RANBP17: variants seen among roughly 807,000 people sequenced by gnomAD.
The protein encoded by RANBP17 is RAN binding protein 17.
RANBP17 carries 158 observed loss-of-function variants against 141.2 expected under a neutral mutation model. That is an observed-to-expected ratio of 1.12 (90% CI 0.98 to 1.28). The LOEUF (loss-of-function observed/expected upper bound fraction) is 1.28, where lower values mean the gene tolerates loss of function less well. Among genes scored for constraint, RANBP17 ranks in the 50% most tolerant of loss-of-function variants. RANBP17 has a pLI of 0.00. For synonymous variants in RANBP17, 430 were observed against 450.0 expected (o/e 0.96, Z 0.56); for missense variants, 1,438 against 1,290.7 (o/e 1.11, Z -1.75).
At chr5:171,063,164 A>C (rs1328708180) in intron 14 of RANBP17, among the ~76,000 whole-genome samples, 1 of 152,206 alleles carries the variant, frequency 6.6e-6, no homozygotes, top group Non-Finnish European at 1.5e-5. Context: ...TCAACTCGTC[A>C]AACTCATTCT....
At chr5:170,865,074 G>A (rs1471490395) in intron 1 of RANBP17, among the ~76,000 whole-genome samples, 2 of 151,888 alleles carry the variant, frequency 1.3e-5, no homozygotes, top group Admixed American at 6.6e-5. Context: ...TGTTGTTGTC[G>A]TTTGTTTTTT....
intron 14 of RANBP17, among the ~76,000 whole-genome samples, chr5:171,022,053 T>A (rs189489462): frequency 2.0e-5 from 3 of 152,224 alleles, no homozygotes; most frequent in Admixed American, 6.5e-5. Context: ...TTGCTGGGGC[T>A]TCTGTAAGGT....
At chr5:170,866,105 A>T (rs1382030587) in intron 1 of RANBP17, among the ~76,000 whole-genome samples, 1 of 152,120 alleles carries the variant, frequency 6.6e-6, no homozygotes, top group Non-Finnish European at 1.5e-5. Context: ...TTGTGACCCA[A>T]AGTCCTGATC....
intron 14 of RANBP17, among the ~76,000 whole-genome samples, chr5:171,072,485 C>T (rs932034263): frequency 3.3e-5 from 5 of 150,910 alleles, no homozygotes; most frequent in African/African-American, 1.2e-4. Flanking sequence ...TGAATAGGTA[C>T]TTCTCCAAAG....
At chr5:170,920,973 G>T (rs1772402947) in intron 11 of RANBP17, among the ~76,000 whole-genome samples, 1 of 152,088 alleles carries the variant, frequency 6.6e-6, no homozygotes, top group Non-Finnish European at 1.5e-5. Flanking sequence ...TAAGTTCTTT[G>T]TAGATTCTGG....
chr5:171,101,919 G>A (rs1261062184), intron 14 of RANBP17, among the ~76,000 whole-genome samples: 2 of 152,098 alleles, frequency 1.3e-5, no homozygotes, highest in Non-Finnish European at 1.5e-5. Context: ...TTGAATGTTG[G>A]CCCCCACTCT....
At chr5:170,903,855 G>A (rs1007140988) in intron 5 of RANBP17, 7 of 462,056 alleles carry the variant, frequency 1.5e-5, no homozygotes, top group South Asian at 1.1e-4. Flanking sequence ...AACAAGCTCC[G>A]CAAGATTTGA....
chr5:170,862,155 C>T (rs1435787056), intron 1 of RANBP17, 104 bp downstream of exon 1: 4 of 1,215,642 alleles, frequency 3.3e-6, no homozygotes, highest in Admixed American at 8.3e-5. Context: ...GCCGCAGGGC[C>T]GTGGGCCGGT....
At chr5:171,294,483 T>C (rs1156351415) in intron 26 of RANBP17, among the ~76,000 whole-genome samples, 1 of 152,178 alleles carries the variant, frequency 6.6e-6, no homozygotes, top group Non-Finnish European at 1.5e-5. Flanking sequence ...CAGCTTCCTC[T>C]TGAACCCACA....
intron 14 of RANBP17, among the ~76,000 whole-genome samples, chr5:171,145,985 G>A (rs1478749521): frequency 2.0e-5 from 3 of 152,070 alleles, no homozygotes; most frequent in African/African-American, 7.2e-5. Context: ...CCTGTAATAG[G>A]CAATCTCAAA....
At chr5:170,954,198 T>C (rs921254867) in intron 13 of RANBP17, among the ~76,000 whole-genome samples, 10 of 152,220 alleles carry the variant, frequency 6.6e-5, no homozygotes, top group Non-Finnish European at 1.3e-4. Context: ...TATTTTAATT[T>C]ATTTTTAATA....
At chr5:171,034,687 AG>A (rs1245859952) in intron 14 of RANBP17, among the ~76,000 whole-genome samples, 1 of 152,276 alleles carries the variant, frequency 6.6e-6, no homozygotes, top group Non-Finnish European at 1.5e-5. Context: ...AAAAGCAGAA[AG>A]CCAGAAATAA....
chr5:170,957,821 G>C (rs923680478), intron 13 of RANBP17, among the ~76,000 whole-genome samples: 1 of 152,122 alleles, frequency 6.6e-6, no homozygotes, highest in Non-Finnish European at 1.5e-5. Context: ...TGAGTTCAGT[G>C]TTAACAAGTC....
At chr5:171,042,131 T>C (rs1052240228) in intron 14 of RANBP17, among the ~76,000 whole-genome samples, 2 of 152,108 alleles carry the variant, frequency 1.3e-5, no homozygotes, top group Non-Finnish European at 2.9e-5. Flanking sequence ...ATTTTCTTTA[T>C]CCAGTCTATC....
chr5:171,262,718 G>A (rs1766414059), intron 24 of RANBP17, among the ~76,000 whole-genome samples: 1 of 152,078 alleles, frequency 6.6e-6, no homozygotes, highest in African/African-American at 2.4e-5. Flanking sequence ...CCTTATTAGT[G>A]CTACAGAACA....
At chr5:171,260,984 TATTGA>T (rs1766275985) in intron 24 of RANBP17, among the ~76,000 whole-genome samples, 1 of 151,636 alleles carries the variant, frequency 6.6e-6, no homozygotes, top group Non-Finnish European at 1.5e-5. Flanking sequence ...TTGGACACAT[TATTGA>T]ATTGGATGTC....
chr5:171,161,350 C>G (rs758008981), intron 14 of RANBP17: 1 of 186,160 alleles, frequency 5.4e-6, no homozygotes, highest in Admixed American at 6.2e-5. Flanking sequence ...ATTGGGGAGG[C>G]CTTTTGCTCT....
intron 14 of RANBP17, among the ~76,000 whole-genome samples, chr5:171,049,848 A>C (rs1782841391): frequency 6.6e-6 from 1 of 152,192 alleles, no homozygotes; most frequent in South Asian, 2.1e-4. Flanking sequence ...TTGTACCAGT[A>C]CCATGCTGTT....
At chr5:171,156,764 G>A (rs1459220003) in intron 14 of RANBP17, among the ~76,000 whole-genome samples, 1 of 152,104 alleles carries the variant, frequency 6.6e-6, no homozygotes, top group African/African-American at 2.4e-5. Context: ...TGGCACACAA[G>A]GTGCACATTT....
Sources: allele counts gnomAD v4.1 joint callset (sites outside exome capture counted in the v4.1 genomes callset), GRCh38; gene constraint gnomAD v4.1.1; transcripts MANE v1.5; gene names NCBI Gene and HGNC (gene_info 2026-07-23, HGNC 2026-07-21).